Variants in ARHGAP32 observed in about 807,000 individuals in gnomAD.
ARHGAP32 encodes Rho GTPase activating protein 32.
In ARHGAP32, 51 loss-of-function variants were observed where a neutral mutation model predicts 186.5. The observed-to-expected ratio is 0.27, with a 90% CI of 0.22 to 0.35. The LOEUF (loss-of-function observed/expected upper bound fraction) is 0.35. Among genes scored for constraint, ARHGAP32 ranks in the 10% least tolerant of loss-of-function variants. The pLI is 1.00. For synonymous variants in ARHGAP32, 950 were observed against 964.3 expected, an observed-to-expected ratio of 0.99 and a Z score of 0.27; for missense variants, 2,186 against 2,623.5, an observed-to-expected ratio of 0.83 and a Z score of 3.64.
chr11:129,209,612 G>A (rs1302458685), intron 1 of ARHGAP32, among the ~76,000 whole-genome samples: 1 of 151,202 alleles, frequency 6.6e-6, no homozygotes, highest in Non-Finnish European at 1.5e-5. Flanking sequence ...ACTAGGCAAA[G>A]CCATCATTTT....
chr11:129,236,904 T>C (rs1052464644), intron 1 of ARHGAP32, among the ~76,000 whole-genome samples: 1 of 152,210 alleles, frequency 6.6e-6, no homozygotes, highest in East Asian at 1.9e-4. Context: ...ATAGCTTTTA[T>C]TACCTTAAGG....
chr11:128,976,505 G>A, intron 20 of ARHGAP32, 58 bp downstream of exon 20: 2 of 1,336,102 alleles, frequency 1.5e-6, no homozygotes, highest in East Asian at 2.3e-5. Flanking sequence ...ATACTCAATT[G>A]CAGTATTCCT....
At chr11:129,139,171 T>C (rs1443763675) in intron 2 of ARHGAP32, among the ~76,000 whole-genome samples, 1 of 152,118 alleles carries the variant, frequency 6.6e-6, no homozygotes. Flanking sequence ...TTTGGGAATC[T>C]CCATATTAAT....
At chr11:129,232,077 C>G (rs972955083) in intron 1 of ARHGAP32, among the ~76,000 whole-genome samples, 2 of 150,888 alleles carry the variant, frequency 1.3e-5, no homozygotes, top group African/African-American at 4.9e-5. Context: ...CAACTTCTCC[C>G]TCTACTCACT....
intron 6 of ARHGAP32, among the ~76,000 whole-genome samples, chr11:129,091,345 T>C (rs190448409): frequency 6.6e-6 from 1 of 152,190 alleles, no homozygotes; most frequent in East Asian, 1.9e-4. Context: ...AAATGTAAAC[T>C]GGAAGACAGT....
At chr11:129,169,884 C>T (rs1943721911) in intron 1 of ARHGAP32, among the ~76,000 whole-genome samples, 1 of 151,980 alleles carries the variant, frequency 6.6e-6, no homozygotes, top group Admixed American at 6.6e-5. Context: ...ATTGTATAAA[C>T]ATTCTTCCAA....
At chr11:129,010,533 AT>A (rs1938031176) in intron 11 of ARHGAP32, among the ~76,000 whole-genome samples, 1 of 152,126 alleles carries the variant, frequency 6.6e-6, no homozygotes, top group South Asian at 2.1e-4. Flanking sequence ...CTCCCAATCC[AT>A]TTATTAAATA....
At position 128,988,208 on chromosome 11, in the gene ARHGAP32, T is replaced by G. The variant is rs1945934760; in HGVS notation, c.1196-83A>C. The G allele has an allele frequency of 8.0e-6, 8 of 1,003,240 alleles. No homozygotes were observed. In the Middle Eastern group the frequency reaches 1.5e-3, roughly 189 times the overall value. The allele number at this position is 1,003,240 out of a possible 1,614,324, so 62.1% of individuals were successfully genotyped here. On this transcript the variant is annotated intron_variant, in intron 12 of 22. Transcript: ENST00000682385. The stretch of plus-strand genomic sequence containing the variant: ...GCCAAAAAATAAGATTGTCTTAGTT[T>G]ACAAAAGTAAAATAAAATTTGTAAA...
chr11:128,997,046 TG>T, intron 12 of ARHGAP32, among the ~76,000 whole-genome samples: 1 of 152,336 alleles, frequency 6.6e-6, no homozygotes, highest in South Asian at 2.1e-4. Flanking sequence ...CCCAAAGTGC[TG>T]GGATTGCAGA....
intron 1 of ARHGAP32, among the ~76,000 whole-genome samples, chr11:129,184,093 GC>G (rs1358038114): frequency 6.6e-6 from 1 of 152,070 alleles, no homozygotes; most frequent in Non-Finnish European, 1.5e-5. Flanking sequence ...AAGTTCAAAG[GC>G]TATACCCCAC....
rs552111861 is a variant in ARHGAP32, at chr11:129,185,270, C to A, written c.116+6813G>T. On this transcript the variant is annotated intron_variant, in intron 1 of 22. Coordinates refer to ENST00000682385, the MANE Select transcript of ARHGAP32 (RefSeq NM_001378024.1). The stretch of plus-strand genomic sequence containing the variant: ...ATATACACCACGGAATACTATGCAG[C>A]CATAAAAAATGATGAGGTCATGTCC... Among the ~76,000 whole-genome samples the A allele has an allele frequency of 2.5e-4, 38 of 152,232 alleles. 1 individual carries two copies. The highest frequency in any genetic ancestry group is 9.2e-4 in the African/African-American group (38 of 41,530).
At chr11:128,978,638 A>G in intron 19 of ARHGAP32, 132 bp downstream of exon 19, 1 of 738,130 alleles carries the variant, frequency 1.4e-6, no homozygotes, top group Non-Finnish European at 2.0e-6. Flanking sequence ...CGGTGAGAGA[A>G]GACACTCTGT....
intron 2 of ARHGAP32, among the ~76,000 whole-genome samples, chr11:129,158,396 CAAAA>C (rs145817087): frequency 4.5e-5 from 3 of 66,202 alleles, no homozygotes; most frequent in Non-Finnish European, 6.4e-5. Flanking sequence ...AAATGGAAGG[CAAAA>C]AAAAAAAAAA....
chr11:129,247,453 AAGG>A (rs1398576063), intron 1 of ARHGAP32, among the ~76,000 whole-genome samples: 1 of 152,220 alleles, frequency 6.6e-6, no homozygotes, highest in East Asian at 1.9e-4. Flanking sequence ...ACATACATCA[AAGG>A]AGGAGAAATA....
chr11:129,041,807 A>G (rs1476524440), intron 10 of ARHGAP32, among the ~76,000 whole-genome samples: 1 of 152,256 alleles, frequency 6.6e-6, no homozygotes, highest in African/African-American at 2.4e-5. Context: ...CTGGAAACAA[A>G]AGCAAAGAGG....
chr11:129,143,176 A>G (rs2135432739), intron 2 of ARHGAP32, among the ~76,000 whole-genome samples: 1 of 151,588 alleles, frequency 6.6e-6, no homozygotes, highest in African/African-American at 2.4e-5. Context: ...GTTTAACCAT[A>G]AGAAACACAC....
At chr11:129,215,634 C>T (rs1268264693) in intron 1 of ARHGAP32, among the ~76,000 whole-genome samples, 1 of 152,136 alleles carries the variant, frequency 6.6e-6, no homozygotes, top group Non-Finnish European at 1.5e-5. Context: ...CAACTTCTTG[C>T]TTCTGTTATT....
At chr11:129,102,347 A>T (rs1354270142) in intron 5 of ARHGAP32, among the ~76,000 whole-genome samples, 1 of 152,208 alleles carries the variant, frequency 6.6e-6, no homozygotes, top group Non-Finnish European at 1.5e-5. Context: ...ATCCACACAT[A>T]TCACTACTAA....
chr11:129,193,626 T>TATATATTATATATA (rs1565464732), upstream of ARHGAP32, among the ~76,000 whole-genome samples: 4 of 75,148 alleles, frequency 5.3e-5, no homozygotes, highest in Non-Finnish European at 9.9e-5. Flanking sequence ...TGTTATATAA[T>TATATATTATATATA]ATATATAATA....
Sources: gnomAD v4.1 joint callset for allele counts (sites outside exome capture counted in the v4.1 genomes callset) on GRCh38, gnomAD v4.1.1 for gene constraint, MANE v1.5 for transcripts, NCBI Gene and HGNC (gene_info 2026-07-23, HGNC 2026-07-21) for gene names.